The following EPHA6 variants were observed in gnomAD, a reference collection of about 807,000 sequenced individuals.
EPHA6 encodes the protein EPH receptor A6.
A neutral mutation model predicts 112.0 loss-of-function variants in EPHA6; 50 were observed. That is an observed-to-expected ratio of 0.45 (90% CI 0.36 to 0.56). The LOEUF is 0.56. EPHA6 is among the 20% of genes least tolerant of loss of function. EPHA6 has a pLI of 0.00. For synonymous variants in EPHA6, 529 were observed against 490.7 expected, an observed-to-expected ratio of 1.08 and a Z score of -1.03; for missense variants, 1,280 against 1,417.4, an observed-to-expected ratio of 0.90 and a Z score of 1.56.
intron 6 of EPHA6, among the ~76,000 whole-genome samples, chr3:97,422,734 C>G (rs7616739): frequency 0.026 from 3,910 of 150,586 alleles, 166 homozygotes; most frequent in African/African-American, 0.087. Flanking sequence ...GTCATATATC[C>G]CTGATGAACA....
At chr3:97,514,848 C>G (rs553362066) in intron 10 of EPHA6, among the ~76,000 whole-genome samples, 14 of 152,174 alleles carry the variant, frequency 9.2e-5, no homozygotes, top group Non-Finnish European at 1.5e-4. Context: ...GGGAAGAGAG[C>G]TCTTATCAGG....
chr3:97,200,171 T>C (rs563104609), intron 3 of EPHA6, among the ~76,000 whole-genome samples: 15 of 152,264 alleles, frequency 9.9e-5, no homozygotes, highest in African/African-American at 3.1e-4. Context: ...AGGCACTCAA[T>C]CAAGTATAAG....
At chr3:97,426,044 C>A (rs1577357575) in intron 6 of EPHA6, among the ~76,000 whole-genome samples, 2 of 152,150 alleles carry the variant, frequency 1.3e-5, no homozygotes, top group South Asian at 4.1e-4. Context: ...CAAACTTTCC[C>A]AAATCTTCCT....
intron 2 of EPHA6, among the ~76,000 whole-genome samples, chr3:96,934,961 TATG>T (rs1203119017): frequency 2.0e-5 from 3 of 151,832 alleles, no homozygotes; most frequent in African/African-American, 7.2e-5. Context: ...GAAATGGGGA[TATG>T]ATATCATTTA....
intron 6 of EPHA6, among the ~76,000 whole-genome samples, chr3:97,417,352 A>G (rs1040202238): frequency 6.6e-6 from 1 of 152,090 alleles, no homozygotes; most frequent in African/African-American, 2.4e-5. Context: ...TTCAATAAAA[A>G]TTAGGGAATA....
intron 5 of EPHA6, among the ~76,000 whole-genome samples, chr3:97,325,994 A>C (rs1033361372): frequency 6.7e-6 from 1 of 149,512 alleles, no homozygotes; most frequent in African/African-American, 2.6e-5. Context: ...CAGTGATTGA[A>C]ATATGAGAGA....
intron 5 of EPHA6, among the ~76,000 whole-genome samples, chr3:97,358,745 A>C (rs546814540): frequency 6.6e-6 from 1 of 152,010 alleles, no homozygotes; most frequent in Non-Finnish European, 1.5e-5. Context: ...GAGGAAGTCT[A>C]CTCATAATCA....
At chr3:97,657,083 T>A (rs1463665101) in intron 14 of EPHA6, among the ~76,000 whole-genome samples, 2 of 151,970 alleles carry the variant, frequency 1.3e-5, no homozygotes, top group Non-Finnish European at 2.9e-5. Context: ...TTAATTTTCT[T>A]TTTATGGAAG....
chr3:97,515,515 G>C (rs2092433726), intron 10 of EPHA6, among the ~76,000 whole-genome samples: 1 of 152,280 alleles, frequency 6.6e-6, no homozygotes, highest in Admixed American at 6.5e-5. Context: ...AATTTCAATA[G>C]TGCATTAAGC....
intron 11 of EPHA6, 59 bp from the exon 12 acceptor site, chr3:97,592,553 T>C: frequency 2.5e-6 from 4 of 1,589,456 alleles, no homozygotes; most frequent in Non-Finnish European, 3.4e-6. Context: ...TCCATGTAAA[T>C]GATCAATGCT....
rs114119934 is a variant in EPHA6 at position 97,175,963 on chromosome 3, G to A, written c.1115-50301G>A. ...TGCTGAATAATAGGGGTGACAGTAGGCATCCTTGCCATGTTCAAGATCTTA... is the reference window on the plus strand; with the variant it reads ...TGCTGAATAATAGGGGTGACAGTAGACATCCTTGCCATGTTCAAGATCTTA... On this transcript the variant is annotated intron_variant, in intron 3 of 17. Transcript: ENST00000389672. Among the ~76,000 whole-genome samples, 509 of 151,860 alleles carry A rather than the reference G, an allele frequency of 3.4e-3. 3 individuals carry two copies. The highest frequency in any genetic ancestry group is 0.012 in the African/African-American group (490 of 41,490).
At chr3:97,472,857 T>C (rs2091265709) in intron 7 of EPHA6, among the ~76,000 whole-genome samples, 1 of 151,628 alleles carries the variant, frequency 6.6e-6, no homozygotes, top group Non-Finnish European at 1.5e-5. Flanking sequence ...TTAGGAAAAA[T>C]GGTGGTTTAA....
chr3:97,092,541 A>G (rs1277508157), intron 3 of EPHA6, among the ~76,000 whole-genome samples: 3 of 152,114 alleles, frequency 2.0e-5, no homozygotes, highest in Non-Finnish European at 4.4e-5. Context: ...ACAAAAGTAT[A>G]TCTATAAATC....
In EPHA6 at chr3:97,610,776, C is replaced by A; in HGVS notation, c.2513-17C>A. 1.2e-6 allele frequency: 2 copies of A among 1,606,174 alleles called. No individual in the cohort carries two copies. Among genetic ancestry groups the A allele is most frequent in the Non-Finnish European group, 1.7e-6 (2 of 1,173,838 alleles). Reference sequence around the variant, plus strand: ...GTAATTGCTCTAATCCATGTGTATTCTCTTGCTCTTTTGCAGGCAGACCAG... The same window carrying A: ...GTAATTGCTCTAATCCATGTGTATTATCTTGCTCTTTTGCAGGCAGACCAG... On this transcript the variant is annotated splice_polypyrimidine_tract_variant and intron_variant, in intron 12 of 17. Coordinates refer to ENST00000389672, the MANE Select transcript of EPHA6 (RefSeq NM_001080448.3).
At chr3:97,454,976 T>C (rs1258827966) in intron 7 of EPHA6, among the ~76,000 whole-genome samples, 1 of 151,978 alleles carries the variant, frequency 6.6e-6, no homozygotes, top group Non-Finnish European at 1.5e-5. Flanking sequence ...TAATTTAAAG[T>C]AATCTCCAGT....
At position 97,429,900 on chromosome 3, in the gene EPHA6, C is replaced by A. The variant is rs1017428789; in HGVS notation, c.1732-18668C>A. ...TTGATAAGGGTATACCATACAGATGCTGCTGTGGATGCAGTATTGGCCCCA... is the reference window on the plus strand; with the variant it reads ...TTGATAAGGGTATACCATACAGATGATGCTGTGGATGCAGTATTGGCCCCA... On this transcript the variant is annotated intron_variant, in intron 6 of 17. Transcript: ENST00000389672. Among the ~76,000 whole-genome samples, 6 of 152,270 alleles carry A rather than the reference C, an allele frequency of 3.9e-5. No individual in the cohort carries two copies. In the East Asian group the frequency reaches 1.2e-3, roughly 29 times the overall value.
intron 11 of EPHA6, among the ~76,000 whole-genome samples, chr3:97,565,816 A>G (rs2093256948): frequency 6.6e-6 from 1 of 151,974 alleles, no homozygotes. Flanking sequence ...CAAGAGATCA[A>G]GACCATCCTG....
At chr3:97,698,294 C>T (rs141452061) in intron 14 of EPHA6, among the ~76,000 whole-genome samples, 82 of 152,116 alleles carry the variant, frequency 5.4e-4, no homozygotes, top group East Asian at 5.2e-3. Flanking sequence ...CCGTCGTGAC[C>T]GGCAGCCAAT....
intron 3 of EPHA6, among the ~76,000 whole-genome samples, chr3:97,200,452 GT>G (rs1559793828): frequency 6.6e-6 from 1 of 152,012 alleles, no homozygotes; most frequent in East Asian, 1.9e-4. Flanking sequence ...ATATGAGATA[GT>G]GCATGCATAT....
Sources: gnomAD v4.1 joint callset for allele counts (sites outside exome capture counted in the v4.1 genomes callset) on GRCh38, gnomAD v4.1.1 for gene constraint, MANE v1.5 for transcripts, NCBI Gene and HGNC (gene_info 2026-07-23, HGNC 2026-07-21) for gene names.